UBN1: variants seen among roughly 807,000 people sequenced by gnomAD.
UBN1 encodes the protein ubinuclein-1.
In UBN1, 17 loss-of-function variants were observed where a neutral mutation model predicts 108.5. The ratio of observed to expected loss-of-function variants is 0.16; its 90% CI spans 0.11 to 0.24. The LOEUF (loss-of-function observed/expected upper bound fraction) is 0.24. UBN1 is among the 10% of genes least tolerant of loss of function. UBN1 has a pLI of 1.00. For missense variants in UBN1, 1,595 were observed against 1,394.4 expected (o/e 1.14, Z -2.29); for synonymous variants, 726 against 564.2 (o/e 1.29, Z -4.07).
chr16:4,880,072 C>A lies in UBN1; in HGVS notation c.3356-11C>A. On this transcript the variant is annotated splice_polypyrimidine_tract_variant and intron_variant, in intron 17 of 17. Coordinates refer to ENST00000262376, the MANE Select transcript of UBN1 (RefSeq NM_001079514.3). ...AAAACTTGCGTTCTAATTTTTCTTA[C>A]TCTTTTCCAGGTGCTTCTCAGCTTC... 2 of 1,614,048 alleles carry A rather than the reference C, an allele frequency of 1.2e-6. No individual in the cohort carries two copies. Among genetic ancestry groups the A allele is most frequent in the South Asian group, 1.1e-5 (1 of 91,078 alleles).
At position 4,869,837 on chromosome 16, in the gene UBN1, GA is replaced by G. The variant is rs967885697; in HGVS notation, c.1182-367del. Among the ~76,000 whole-genome samples the G allele has an allele frequency of 1.5e-3, 231 of 152,080 alleles. 1 individual carries two copies. The highest frequency in any genetic ancestry group is 5.0e-3 in the African/African-American group (207 of 41,504). ...TGGTTGATAAACGTGGGGACTGGGGGAAAAAAAAGAAATGCTGCCGGGAAGT... is the reference window on the plus strand; with the variant it reads ...TGGTTGATAAACGTGGGGACTGGGGGAAAAAAAGAAATGCTGCCGGGAAGT... On this transcript the variant is annotated intron_variant, in intron 8 of 17. Coordinates refer to ENST00000262376, the MANE Select transcript of UBN1 (RefSeq NM_001079514.3).
intron 8 of UBN1, among the ~76,000 whole-genome samples, 199 bp from the exon 9 acceptor site, chr16:4,870,013 T>C (rs981008422): frequency 6.6e-6 from 1 of 152,212 alleles, no homozygotes; most frequent in African/African-American, 2.4e-5. Context: ...TACCTAGCCA[T>C]GTTCATCAGG....
intron 8 of UBN1, among the ~76,000 whole-genome samples, chr16:4,869,626 G>A (rs950877316): frequency 1.3e-5 from 2 of 152,232 alleles, no homozygotes; most frequent in Admixed American, 1.3e-4. Flanking sequence ...ACCTGGATTG[G>A]CCCCTTGGGT....
rs1021261724 is a variant in UBN1, at chr16:4,877,464, G to C, written c.3345G>C (p.Gln1115His). The C allele has an allele frequency of 1.9e-6, 3 of 1,610,480 alleles. No individual in the cohort carries two copies. In the Admixed American group the frequency reaches 5.0e-5, roughly 27 times the overall value. ...PHAAVPTHIP[Q>H]SLPGASQLHG... ...CTGCGGTGCCCACCCATATCCCGCAGAGTCTGCCAGGTAATCACCCGACGG... is the reference window on the plus strand; with the variant it reads ...CTGCGGTGCCCACCCATATCCCGCACAGTCTGCCAGGTAATCACCCGACGG... Residue 1115 changes from glutamine (Q) to histidine (H), a missense_variant, in exon 17 of 18, where the codon CAG becomes CAC. By Grantham distance (24) the Gln-to-His change is conservative. This residue lies in a region of UBN1 where 1,398 missense variants were observed against 1,194.7 expected (regional missense o/e 1.17). Coordinates refer to ENST00000262376, the MANE Select transcript of UBN1 (RefSeq NM_001079514.3). This position sits in a 1 kb window ranked among gnomAD's most constrained non-coding sequence, Gnocchi z 4.3.
chr16:4,856,992 C>G (rs1487124207), intron 2 of UBN1, among the ~76,000 whole-genome samples: 1 of 152,070 alleles, frequency 6.6e-6, no homozygotes, highest in African/African-American at 2.4e-5. Flanking sequence ...TTAGTGTTTT[C>G]TGTCTACCTT....
In UBN1 at chr16:4,848,216, T is replaced by G. The variant is rs2086299291; in HGVS notation, c.-40+6T>G. 6.6e-6 allele frequency: 1 copy of G among 152,218 alleles called. No homozygotes were observed. Among genetic ancestry groups the G allele is most frequent in the African/African-American group, 2.4e-5 (1 of 41,460 alleles). 9.4% of individuals were successfully genotyped at this position (152,218 alleles called of 1,614,324 possible). The stretch of plus-strand genomic sequence containing the variant: ...CGTCGGCGCTGGGGACAAAGGTGCG[T>G]GTCGTTGTCGGGTCCGGGCTCTCTC... On this transcript the variant is annotated splice_donor_region_variant and intron_variant, in intron 1 of 17. Coordinates refer to ENST00000262376, the MANE Select transcript of UBN1 (RefSeq NM_001079514.3).
chr16:4,878,737 G>A (rs930327668), intron 17 of UBN1, among the ~76,000 whole-genome samples: 4 of 152,194 alleles, frequency 2.6e-5, no homozygotes, highest in East Asian at 3.8e-4. Flanking sequence ...GAGGCCGGAC[G>A]CGGTGGCTAT....
intron 11 of UBN1, 90 bp from the exon 12 acceptor site, chr16:4,871,065 C>T: frequency 6.2e-7 from 1 of 1,601,952 alleles, no homozygotes; most frequent in Non-Finnish European, 8.5e-7. Context: ...GGCTCATTTA[C>T]TTTCATCAGG....
chr16:4,877,490 T>G lies in UBN1; in HGVS notation c.3355+16T>G. On this transcript the variant is annotated intron_variant, in intron 17 of 17. Coordinates refer to ENST00000262376, the MANE Select transcript of UBN1 (RefSeq NM_001079514.3). The surrounding 1 kb of genome is among the most constrained non-coding windows in gnomAD (Gnocchi z 4.3). ...AGTCTGCCAGGTAATCACCCGACGGTCAGTGTGCCACGCGCACCGTGTGCC... is the reference window on the plus strand; with the variant it reads ...AGTCTGCCAGGTAATCACCCGACGGGCAGTGTGCCACGCGCACCGTGTGCC... 1 of 1,605,568 alleles carries G rather than the reference T, an allele frequency of 6.2e-7. No individual in the cohort carries two copies. Among genetic ancestry groups the G allele is most frequent in the Non-Finnish European group, 8.5e-7 (1 of 1,177,526 alleles).
chr16:4,859,481 T>A (rs2086961685), intron 5 of UBN1, among the ~76,000 whole-genome samples: 2 of 152,196 alleles, frequency 1.3e-5, no homozygotes, highest in Non-Finnish European at 2.9e-5. Context: ...CTGACCCTCT[T>A]CTGTGGACAT....
intron 1 of UBN1, among the ~76,000 whole-genome samples, chr16:4,850,619 C>T (rs1006093352): frequency 1.3e-5 from 2 of 152,170 alleles, no homozygotes; most frequent in African/African-American, 4.8e-5. Context: ...TCTTTTGCAG[C>T]GCCAGCCTGT....
intron 15 of UBN1, among the ~76,000 whole-genome samples, chr16:4,875,826 G>A (rs2087855619): frequency 6.6e-6 from 1 of 152,224 alleles, no homozygotes; most frequent in Non-Finnish European, 1.5e-5. Flanking sequence ...GGTGTTCATG[G>A]ACCAGGAATA....
rs1236685920 is a variant in UBN1 at position 4,870,268 on chromosome 16, A to G, written c.1238A>G (p.Tyr413Cys). 4 of 1,614,094 alleles carry G rather than the reference A, an allele frequency of 2.5e-6. No homozygotes were observed. Among genetic ancestry groups the G allele is most frequent in the East Asian group, 2.2e-5 (1 of 44,894 alleles). ...CAGGTCCGCTCTGGGGTGTATGCCT[A>G]TCTTGCGTCATTCCTGCCCTGCAGC... is the stretch of plus-strand genomic sequence containing the variant. ...SSQVRSGVYA[Y>C]LASFLPCSKD... is the part of the protein sequence containing the mutation. The change falls in exon 9 of 18, where the codon TAT (tyrosine) becomes TGT (cysteine). Residue 413 changes from tyrosine to cysteine, a missense_variant. By Grantham distance (194) the Tyr-to-Cys change is radical. Around this residue, in one of 3 missense-constraint regions of UBN1, gnomAD observed 1,398 missense variants for 1,194.7 expected, o/e 1.17. Transcript: ENST00000262376.
intron 2 of UBN1, among the ~76,000 whole-genome samples, chr16:4,855,011 C>T (rs570650991): frequency 5.9e-5 from 9 of 152,256 alleles, no homozygotes; most frequent in African/African-American, 2.2e-4. Flanking sequence ...CGTGAGCCAC[C>T]GTGCCTGGCC....
rs1474620730 is a variant in UBN1 at position 4,877,662 on chromosome 16, T to C, written c.3355+188T>C. The C allele has an allele frequency of 7.7e-7, 1 of 1,291,712 alleles. No individual in the cohort carries two copies. The highest frequency in any genetic ancestry group is 9.8e-7 in the Non-Finnish European group (1 of 1,020,672). 80.0% of individuals were successfully genotyped at this position (1,291,712 alleles called of 1,614,324 possible). A position where few individuals can be genotyped will look rare whatever the true frequency, so the allele number is the denominator to read the frequency against. ...GCACTTCTACTCTTGGGGTTTCCTC[T>C]GGTCCCCACTTGGAGCTGCCGCCAG... is the stretch of plus-strand genomic sequence containing the variant. On this transcript the variant is annotated intron_variant, in intron 17 of 17. Transcript: ENST00000262376. The surrounding 1 kb of genome is among the most constrained non-coding windows in gnomAD (Gnocchi z 4.3).
At position 4,859,914 on chromosome 16, in the gene UBN1, A is replaced by T. The variant is rs776790822; in HGVS notation, c.617A>T (p.Asp206Val). ...GGEKIKKKKK[D>V]DTYDKEKKSK... ...GAGAAGATAAAGAAGAAGAAAAAAGATGACACTTATGACAAGGAGAAGAAA... is the reference window on the plus strand; with the variant it reads ...GAGAAGATAAAGAAGAAGAAAAAAGTTGACACTTATGACAAGGAGAAGAAA... Residue 206 changes from aspartate (D) to valine (V), a missense_variant, in exon 6 of 18, where the codon GAT (aspartate) becomes GTT (valine). Asp to Val is a radical substitution (Grantham distance 152). Coordinates refer to ENST00000262376, the MANE Select transcript of UBN1 (RefSeq NM_001079514.3). 6.2e-7 allele frequency: 1 copy of T among 1,614,186 alleles called. No individual in the cohort carries two copies. Among genetic ancestry groups the T allele is most frequent in the Non-Finnish European group, 8.5e-7 (1 of 1,180,026 alleles).
Position 4,877,432 on chromosome 16 carries a change from C to T in UBN1, c.3313C>T (p.Pro1105Ser), listed in dbSNP as rs1167020029. Residue 1105 changes from proline (P) to serine (S), a missense_variant, in exon 17 of 18, where the codon CCA becomes TCA. Transcript: ENST00000262376. The surrounding 1 kb of genome is among the most constrained non-coding windows in gnomAD (Gnocchi z 4.3). ...CAGCCCGCCCCATGCAGCGCCTCTC[C>T]CACACGCTGCGGTGCCCACCCATAT... ...HSSPPHAAPLPHAAVPTHIPQ... is the reference protein window; with the variant it reads ...HSSPPHAAPLSHAAVPTHIPQ... The T allele has an allele frequency of 1.2e-6, 2 of 1,612,510 alleles. No homozygotes were observed. The highest frequency in any genetic ancestry group is 2.7e-5 in the African/African-American group (2 of 74,922).
chr16:4,872,394 C>T, intron 12 of UBN1: 1 of 979,726 alleles, frequency 1.0e-6, no homozygotes, highest in Non-Finnish European at 1.2e-6. Flanking sequence ...CCAGTGTGTC[C>T]CATTGAGATC....
At chr16:4,860,614 C>T (rs1382449965) in intron 6 of UBN1, 50 bp from the exon 7 acceptor site, 3 of 1,549,706 alleles carry the variant, frequency 1.9e-6, no homozygotes, top group African/African-American at 1.4e-5. Flanking sequence ...CTGGAGTTCC[C>T]TTTGGAGGTG....
Sources: allele counts gnomAD v4.1 joint callset (sites outside exome capture counted in the v4.1 genomes callset), GRCh38; gene constraint gnomAD v4.1.1; regional missense constraint gnomAD v4.1.1; non-coding constraint Gnocchi (gnomAD v3.1); transcripts MANE v1.5; gene names NCBI Gene and HGNC (gene_info 2026-07-23, HGNC 2026-07-21).